The following SCAPER variants were observed in gnomAD, a reference collection of about 807,000 sequenced individuals.
The protein encoded by SCAPER is S phase cyclin A-associated protein in the endoplasmic reticulum.
A neutral mutation model predicts 182.2 loss-of-function variants in SCAPER; 98 were observed. The ratio of observed to expected loss-of-function variants is 0.54; its 90% CI spans 0.46 to 0.64. The LOEUF (loss-of-function observed/expected upper bound fraction) is 0.64, where lower values mean the gene tolerates loss of function less well. Among genes scored for constraint, SCAPER ranks in the 30% least tolerant of loss-of-function variants. The pLI is 0.00. For synonymous variants in SCAPER, 605 were observed against 564.6 expected, an observed-to-expected ratio of 1.07 and a Z score of -1.01; for missense variants, 1,432 against 1,690.0, an observed-to-expected ratio of 0.85 and a Z score of 2.68.
At chr15:76,604,099 C>G (rs574700889) in intron 22 of SCAPER, among the ~76,000 whole-genome samples, 1,225 of 120,060 alleles carry the variant, frequency 0.01, 136 homozygotes, top group African/African-American at 0.029. Flanking sequence ...AGTCCTTGCC[C>G]ATGCCTATGT....
At chr15:76,348,875 A>G in intron 31 of SCAPER, 139 bp from the exon 32 acceptor site, 1 of 580,698 alleles carries the variant, frequency 1.7e-6, no homozygotes. Context: ...AATTTAGGTA[A>G]ATAAGGTGAT....
intron 5 of SCAPER, among the ~76,000 whole-genome samples, chr15:76,822,102 G>A (rs1324893014): frequency 6.6e-6 from 1 of 152,080 alleles, no homozygotes. Flanking sequence ...TCATACATTG[G>A]TCCAAAATCA....
chr15:76,412,441 T>C (rs182091103), intron 26 of SCAPER, among the ~76,000 whole-genome samples: 2 of 152,266 alleles, frequency 1.3e-5, no homozygotes, highest in African/African-American at 2.4e-5. Flanking sequence ...AGGGGGTTTA[T>C]GGAAATACTC....
At chr15:76,559,186 C>G (rs967878823) in intron 23 of SCAPER, among the ~76,000 whole-genome samples, 14 of 150,696 alleles carry the variant, frequency 9.3e-5, no homozygotes, top group African/African-American at 3.2e-4. Context: ...AGGCACCCAC[C>G]ACCACACCCA....
intron 24 of SCAPER, among the ~76,000 whole-genome samples, chr15:76,477,017 A>G (rs1301315973): frequency 6.6e-6 from 1 of 152,192 alleles, no homozygotes; most frequent in African/African-American, 2.4e-5. Flanking sequence ...ATTAATTGAC[A>G]GGCTACTTGC....
At chr15:76,810,766 A>G (rs1227956803) in intron 5 of SCAPER, among the ~76,000 whole-genome samples, 1 of 152,056 alleles carries the variant, frequency 6.6e-6, no homozygotes, top group African/African-American at 2.4e-5. Context: ...TAATGGTTAA[A>G]AAACAAACTA....
At chr15:76,487,442 GT>G (rs2051768219) in intron 24 of SCAPER, among the ~76,000 whole-genome samples, 3 of 152,114 alleles carry the variant, frequency 2.0e-5, no homozygotes, top group African/African-American at 7.2e-5. Flanking sequence ...ATACTAAAAT[GT>G]TAGATACACA....
chr15:76,465,357 G>A (rs781283819), intron 25 of SCAPER, among the ~76,000 whole-genome samples: 3 of 152,028 alleles, frequency 2.0e-5, no homozygotes, highest in Non-Finnish European at 4.4e-5. Context: ...GTATTCATGA[G>A]GGCTTTGTCC....
At chr15:76,693,631 T>C (rs530093532) in intron 20 of SCAPER, among the ~76,000 whole-genome samples, 8 of 152,228 alleles carry the variant, frequency 5.3e-5, no homozygotes, top group African/African-American at 1.4e-4. Flanking sequence ...GTATACACAA[T>C]TGAATATGAT....
At chr15:76,543,044 A>C (rs932227880) in intron 23 of SCAPER, among the ~76,000 whole-genome samples, 5 of 152,174 alleles carry the variant, frequency 3.3e-5, no homozygotes, top group African/African-American at 9.7e-5. Context: ...TTATGGGTAC[A>C]TAATAGTTGT....
intron 27 of SCAPER, among the ~76,000 whole-genome samples, chr15:76,389,469 G>A (rs1452924144): frequency 8.8e-6 from 1 of 114,030 alleles, no homozygotes; most frequent in African/African-American, 3.4e-5. Context: ...TTACTGCACT[G>A]TAGCCTGGGA....
chr15:76,689,890 A>G (rs2058255743), intron 20 of SCAPER, among the ~76,000 whole-genome samples: 1 of 151,992 alleles, frequency 6.6e-6, no homozygotes. Flanking sequence ...CAGTATTAGC[A>G]ATAAGATAAT....
chr15:76,493,228 T>C (rs2052504088), intron 24 of SCAPER, among the ~76,000 whole-genome samples: 2 of 152,214 alleles, frequency 1.3e-5, no homozygotes, highest in Admixed American at 1.3e-4. Flanking sequence ...ATTATTTCCC[T>C]GCACTTCATA....
intron 27 of SCAPER, among the ~76,000 whole-genome samples, chr15:76,397,007 GTT>G (rs61586857): frequency 0.13 from 15,144 of 121,020 alleles, 1,005 homozygotes; most frequent in African/African-American, 0.22. Context: ...TTTTTTGAGA[GTT>G]TTTTTTTTTT....
intron 25 of SCAPER, among the ~76,000 whole-genome samples, chr15:76,444,714 T>C (rs284908): frequency 0.88 from 134,530 of 152,148 alleles, 59,941 homozygotes; most frequent in East Asian, 0.97. Context: ...TCTGATGACA[T>C]GAATGTTAGA....
At chr15:76,811,811 A>T (rs983563945) in intron 5 of SCAPER, among the ~76,000 whole-genome samples, 12 of 149,922 alleles carry the variant, frequency 8.0e-5, no homozygotes, top group Non-Finnish European at 1.2e-4. Context: ...ATAAAAAAAT[A>T]AAAAAAATAA....
chr15:76,799,964 A>G (rs1182373981), intron 7 of SCAPER, among the ~76,000 whole-genome samples: 1 of 151,614 alleles, frequency 6.6e-6, no homozygotes, highest in African/African-American at 2.4e-5. Context: ...TAACTTGTGC[A>G]AGTCAGCATA....
chr15:76,615,483 A>G (rs2051375344), intron 22 of SCAPER, among the ~76,000 whole-genome samples: 1 of 94,352 alleles, frequency 1.1e-5, no homozygotes, highest in Non-Finnish European at 2.1e-5. Context: ...ATACATACAC[A>G]CACACACAGA....
At chr15:76,645,526 CTT>C (rs764750763) in intron 21 of SCAPER, among the ~76,000 whole-genome samples, 5 of 141,450 alleles carry the variant, frequency 3.5e-5, no homozygotes, top group Non-Finnish European at 3.1e-5. Flanking sequence ...AAAGATCAGC[CTT>C]TTTTTTTTTT....
Sources: allele counts gnomAD v4.1 joint callset (sites outside exome capture counted in the v4.1 genomes callset), GRCh38; gene constraint gnomAD v4.1.1; transcripts MANE v1.5; gene names NCBI Gene and HGNC (gene_info 2026-07-23, HGNC 2026-07-21).